Variants in RANBP2 observed in about 807,000 individuals in gnomAD.
The protein encoded by RANBP2 is RAN binding protein 2, also known as E3 SUMO-protein ligase RanBP2.
Under a neutral mutation model 303.6 loss-of-function variants are expected in RANBP2, and 57 were observed. That is an observed-to-expected ratio of 0.19 (90% CI 0.15 to 0.23). The LOEUF (loss-of-function observed/expected upper bound fraction) is 0.23. Among genes scored for constraint, RANBP2 ranks in the 10% least tolerant of loss-of-function variants. The pLI, the probability that RANBP2 is intolerant of heterozygous loss-of-function variation, is 1.00. For synonymous variants in RANBP2, 1,167 were observed against 1,301.5 expected, an observed-to-expected ratio of 0.90 and a Z score of 2.23; for missense variants, 3,138 against 3,780.8, an observed-to-expected ratio of 0.83 and a Z score of 4.46.
At chr2:109,300,894 T>G in the RANBP2 span, among the ~76,000 whole-genome samples, 5 of 152,186 alleles carry the variant, frequency 3.3e-5, no homozygotes, top group Admixed American at 3.3e-4. Flanking sequence ...CTCTGCTGCT[T>G]TGGAGGCAGC....
the RANBP2 span, among the ~76,000 whole-genome samples, chr2:109,309,943 G>A: frequency 2.4e-5 from 3 of 123,926 alleles, 1 homozygote; most frequent in Admixed American, 7.9e-5. Flanking sequence ...GAGACAGAAA[G>A]TCAACAAGGA....
chr2:109,766,099 C>T, the RANBP2 span, among the ~76,000 whole-genome samples: 3 of 150,316 alleles, frequency 2.0e-5, no homozygotes, highest in Non-Finnish European at 3.0e-5. Context: ...TGCAGAGCTG[C>T]GTGTACTCAC....
At chr2:109,592,969 C>A in the RANBP2 span, 1 of 897,978 alleles carries the variant, frequency 1.1e-6, no homozygotes, top group South Asian at 2.7e-5. Context: ...TCACAAGAGT[C>A]TATAAGCACT....
chr2:109,501,413 C>T, the RANBP2 span: 2 of 600,358 alleles, frequency 3.3e-6, no homozygotes, highest in Middle Eastern at 2.6e-4. Flanking sequence ...CAGCAAATAA[C>T]AATAATTTAC....
At chr2:109,044,356 T>TA in the RANBP2 span, among the ~76,000 whole-genome samples, 48 of 151,232 alleles carry the variant, frequency 3.2e-4, 1 homozygote, top group South Asian at 5.7e-3. Flanking sequence ...CCATCTCTAC[T>TA]AAAAAAAATA....
the RANBP2 span, among the ~76,000 whole-genome samples, chr2:109,024,811 A>G: frequency 6.6e-6 from 1 of 152,268 alleles, no homozygotes; most frequent in Non-Finnish European, 1.5e-5. Context: ...TTATCTAAAT[A>G]TTTTAAATTG....
chr2:108,858,543 T>G, the RANBP2 span, among the ~76,000 whole-genome samples: 1 of 152,158 alleles, frequency 6.6e-6, no homozygotes, highest in Admixed American at 6.5e-5. Context: ...TTAATGTAAA[T>G]TCAGTACTTG....
At chr2:109,249,467 C>CTCTTTCTT in the RANBP2 span, among the ~76,000 whole-genome samples, 2,751 of 98,966 alleles carry the variant, frequency 0.028, 174 homozygotes, top group Middle Eastern at 0.067. Context: ...TTCTCTCTTT[C>CTCTTTCTT]TCTTTCTTTC....
the RANBP2 span, among the ~76,000 whole-genome samples, chr2:109,386,352 C>CA: frequency 2.6e-5 from 4 of 151,932 alleles, no homozygotes; most frequent in Non-Finnish European, 4.4e-5. Flanking sequence ...CAGGGAAGGT[C>CA]AGGCCGTACA....
chr2:109,098,187 T>C, the RANBP2 span, among the ~76,000 whole-genome samples: 2 of 152,334 alleles, frequency 1.3e-5, no homozygotes, highest in East Asian at 3.9e-4. Flanking sequence ...TAAATCTGCC[T>C]GCTCTGGCTA....
chr2:109,183,186 T>A, the RANBP2 span, among the ~76,000 whole-genome samples: 1 of 152,370 alleles, frequency 6.6e-6, no homozygotes, highest in African/African-American at 2.4e-5. Flanking sequence ...CCTTCTGGGT[T>A]AATTACTGAA....
At chr2:109,403,916 G>A in the RANBP2 span, among the ~76,000 whole-genome samples, 1 of 152,238 alleles carries the variant, frequency 6.6e-6, no homozygotes, top group African/African-American at 2.4e-5. Context: ...TGGAGTGAGG[G>A]CGTGCGTGCG....
the RANBP2 span, among the ~76,000 whole-genome samples, chr2:109,060,284 TG>T: frequency 6.6e-6 from 1 of 152,210 alleles, no homozygotes; most frequent in African/African-American, 2.4e-5. Flanking sequence ...GGAAATGAGC[TG>T]TTGGTAACCG....
the RANBP2 span, among the ~76,000 whole-genome samples, chr2:109,428,066 C>T: frequency 4.5e-4 from 68 of 152,356 alleles, no homozygotes; most frequent in African/African-American, 1.6e-3. Flanking sequence ...CCTGACAGCA[C>T]TCCTGCTGTG....
the RANBP2 span, among the ~76,000 whole-genome samples, chr2:109,079,637 G>A: frequency 6.6e-6 from 1 of 152,216 alleles, no homozygotes. Context: ...ACCAGCAGAG[G>A]GGACTGTCAA....
the RANBP2 span, among the ~76,000 whole-genome samples, chr2:108,813,248 CAAAAAA>C: frequency 3.1e-5 from 2 of 63,542 alleles, no homozygotes; most frequent in Non-Finnish European, 5.1e-5. Context: ...GACTCCGTCT[CAAAAAA>C]AAAAAAAAAA....
the RANBP2 span, chr2:109,543,013 G>C: frequency 6.6e-6 from 1 of 152,552 alleles, no homozygotes; most frequent in African/African-American, 2.4e-5. Context: ...TTTGTCAAGA[G>C]TAAATGTCAG....
chr2:109,631,545 C>A, the RANBP2 span, among the ~76,000 whole-genome samples: 1 of 152,120 alleles, frequency 6.6e-6, no homozygotes, highest in Non-Finnish European at 1.5e-5. Flanking sequence ...CACCTGAGGT[C>A]AGGAGTTCGA....
chr2:108,788,907 T>C (rs749371791), downstream of RANBP2: 1 of 1,614,150 alleles, frequency 6.2e-7, no homozygotes, highest in African/African-American at 1.3e-5. Context: ...AATATTCTGA[T>C]GAAAGCAAGC....
Sources: gnomAD v4.1 joint callset for allele counts (sites outside exome capture counted in the v4.1 genomes callset) on GRCh38, gnomAD v4.1.1 for gene constraint, MANE v1.5 for transcripts, NCBI Gene and HGNC (gene_info 2026-07-23, HGNC 2026-07-21) for gene names.